Variants in FSTL5 observed in about 807,000 individuals in gnomAD.
FSTL5 encodes the protein follistatin like 5.
A neutral mutation model predicts 89.1 loss-of-function variants in FSTL5; 62 were observed. The ratio of observed to expected loss-of-function variants is 0.70; its 90% CI spans 0.57 to 0.86. The LOEUF is 0.86. FSTL5 is among the 40% of genes least tolerant of loss of function. The pLI is 0.00. For synonymous variants in FSTL5, 383 were observed against 346.2 expected, an observed-to-expected ratio of 1.11 and a Z score of -1.18; for missense variants, 1,057 against 1,001.6, an observed-to-expected ratio of 1.06 and a Z score of -0.75.
intron 4 of FSTL5, among the ~76,000 whole-genome samples, chr4:161,821,228 G>T (rs917371312): frequency 2.0e-5 from 3 of 151,876 alleles, no homozygotes; most frequent in Non-Finnish European, 2.9e-5. Context: ...TGTAGACAAG[G>T]GGTTTCACCA....
intron 2 of FSTL5, among the ~76,000 whole-genome samples, chr4:162,081,920 T>TA (rs1730115541): frequency 6.6e-6 from 1 of 151,562 alleles, no homozygotes; most frequent in Admixed American, 6.6e-5. Flanking sequence ...TTAATCCTAA[T>TA]AAAACATCTT....
chr4:161,661,583 G>T (rs983077079), intron 6 of FSTL5, among the ~76,000 whole-genome samples: 2 of 151,934 alleles, frequency 1.3e-5, no homozygotes, highest in South Asian at 2.1e-4. Flanking sequence ...TAACTAACAA[G>T]GAAATTCTGA....
intron 9 of FSTL5, 61 bp from the exon 10 acceptor site, chr4:161,538,361 C>A (rs1731705992): frequency 6.4e-7 from 1 of 1,565,484 alleles, no homozygotes; most frequent in South Asian, 1.1e-5. Flanking sequence ...ACAGTGCTTT[C>A]TGATTACACA....
intron 5 of FSTL5, among the ~76,000 whole-genome samples, chr4:161,775,618 A>G (rs1277831363): frequency 1.3e-5 from 2 of 152,070 alleles, no homozygotes. Flanking sequence ...AGAACTTGTA[A>G]TTCCTTTAGG....
chr4:161,699,106 C>T (rs1738285991), intron 6 of FSTL5, among the ~76,000 whole-genome samples: 3 of 152,218 alleles, frequency 2.0e-5, no homozygotes, highest in South Asian at 4.1e-4. Flanking sequence ...AGCTGGGTGA[C>T]TTTGACTTAT....
At chr4:161,638,855 G>A (rs4303937) in intron 7 of FSTL5, among the ~76,000 whole-genome samples, 45,623 of 118,212 alleles carry the variant, frequency 0.39, 8,154 homozygotes, top group Middle Eastern at 0.48. Flanking sequence ...TACGCAAATC[G>A]ATAAATGTAA....
intron 6 of FSTL5, among the ~76,000 whole-genome samples, chr4:161,682,402 C>G (rs975902854): frequency 6.6e-6 from 1 of 152,154 alleles, no homozygotes; most frequent in Admixed American, 6.6e-5. Flanking sequence ...TTACCTCTTT[C>G]GTAACAACAC....
chr4:161,437,348 C>T (rs1031600615), intron 15 of FSTL5, among the ~76,000 whole-genome samples: 4 of 151,820 alleles, frequency 2.6e-5, no homozygotes, highest in African/African-American at 4.8e-5. Context: ...GGGCGGATTA[C>T]GAGGTCAGGA....
chr4:161,848,036 C>CAA (rs139315536), intron 4 of FSTL5, among the ~76,000 whole-genome samples: 1,145 of 48,148 alleles, frequency 0.024, 284 homozygotes, highest in East Asian at 0.032. Context: ...GACTCCGTCT[C>CAA]AAAAAAAAAA....
intron 13 of FSTL5, among the ~76,000 whole-genome samples, chr4:161,460,878 T>C (rs1328366832): frequency 6.6e-6 from 1 of 151,996 alleles, no homozygotes; most frequent in Non-Finnish European, 1.5e-5. Context: ...TGACTGATTC[T>C]ATTTCCTTTT....
chr4:161,736,116 A>C (rs528088695), intron 6 of FSTL5, among the ~76,000 whole-genome samples: 2 of 152,222 alleles, frequency 1.3e-5, no homozygotes, highest in South Asian at 4.1e-4. Flanking sequence ...TTATTTATGA[A>C]ATTTAACATA....
chr4:161,591,412 A>G (rs1271679327), intron 7 of FSTL5, among the ~76,000 whole-genome samples: 8 of 152,228 alleles, frequency 5.3e-5, no homozygotes, highest in African/African-American at 1.7e-4. Flanking sequence ...TTTTGCTAAT[A>G]TACTAGAAAG....
At chr4:161,882,350 A>G (rs2126912033) in intron 4 of FSTL5, among the ~76,000 whole-genome samples, 1 of 152,126 alleles carries the variant, frequency 6.6e-6, no homozygotes, top group African/African-American at 2.4e-5. Context: ...CTACTTGAAA[A>G]CCACAAATCC....
intron 4 of FSTL5, among the ~76,000 whole-genome samples, chr4:161,868,483 C>T (rs995826867): frequency 1.3e-5 from 2 of 152,266 alleles, no homozygotes; most frequent in East Asian, 1.9e-4. Context: ...CTTGCCCGAA[C>T]GACCTCATCT....
intron 13 of FSTL5, among the ~76,000 whole-genome samples, chr4:161,462,709 ATAC>A (rs147584442): frequency 0.052 from 7,892 of 151,928 alleles, 640 homozygotes; most frequent in African/African-American, 0.18. Context: ...AATACCACTC[ATAC>A]TACTACTACT....
chr4:161,946,977 T>C (rs1231591186), intron 3 of FSTL5, among the ~76,000 whole-genome samples: 1 of 152,200 alleles, frequency 6.6e-6, no homozygotes, highest in Non-Finnish European at 1.5e-5. Flanking sequence ...TGAAAAATTA[T>C]ATTGAATACC....
chr4:161,398,985 T>C (rs1731092748), intron 15 of FSTL5, among the ~76,000 whole-genome samples: 1 of 152,102 alleles, frequency 6.6e-6, no homozygotes, highest in Non-Finnish European at 1.5e-5. Flanking sequence ...TGCAATAGAA[T>C]ACACGTTAAA....
chr4:161,490,249 T>A (rs895740909), intron 12 of FSTL5, among the ~76,000 whole-genome samples: 1 of 152,156 alleles, frequency 6.6e-6, no homozygotes, highest in Non-Finnish European at 1.5e-5. Context: ...ACATCCGATA[T>A]AATACAAGTT....
At chr4:162,088,972 G>A (rs145638831) in intron 2 of FSTL5, among the ~76,000 whole-genome samples, 353 of 152,224 alleles carry the variant, frequency 2.3e-3, no homozygotes, top group African/African-American at 8.1e-3. Context: ...GTGTTGGAAG[G>A]TGGGATCCAA....
Sources: gnomAD v4.1 joint callset for allele counts (sites outside exome capture counted in the v4.1 genomes callset) on GRCh38, gnomAD v4.1.1 for gene constraint, MANE v1.5 for transcripts, NCBI Gene and HGNC (gene_info 2026-07-23, HGNC 2026-07-21) for gene names.